Variants in MACROD2 observed in about 807,000 individuals in gnomAD.
The protein encoded by MACROD2 is mono-ADP ribosylhydrolase 2, also known as ADP-ribose glycohydrolase MACROD2.
Under a neutral mutation model 70.4 loss-of-function variants are expected in MACROD2, and 36 were observed. The ratio of observed to expected loss-of-function variants is 0.51; its 90% CI spans 0.39 to 0.68. The LOEUF (loss-of-function observed/expected upper bound fraction) is 0.68, where lower values mean the gene tolerates loss of function less well. MACROD2 is among the 30% of genes least tolerant of loss of function. The pLI, the probability that MACROD2 is intolerant of heterozygous loss-of-function variation, is 0.00. For missense variants in MACROD2, 496 were observed against 538.4 expected (o/e 0.92, Z 0.78); for synonymous variants, 172 against 178.8 (o/e 0.96, Z 0.30).
intron 8 of MACROD2, among the ~76,000 whole-genome samples, chr20:15,672,797 C>T (rs1198665134): frequency 2.0e-5 from 3 of 152,044 alleles, no homozygotes; most frequent in African/African-American, 7.2e-5. Context: ...AGCTGTGTCC[C>T]CACCCAAATC....
chr20:15,980,089 C>T lies in MACROD2; in HGVS notation c.986-6638C>T, dbSNP rs144952047. Among the ~76,000 whole-genome samples, 34 of 152,278 alleles carry T rather than the reference C, an allele frequency of 2.2e-4. 1 individual carries two copies. The highest frequency in any genetic ancestry group is 6.0e-4 in the African/African-American group (25 of 41,534). On this transcript the variant is annotated intron_variant, in intron 13 of 17. Transcript: ENST00000684519. ...GGTACGTGGCAGGGGCTGCATGCACCGGTGGTCAGAGTGAAACAGAACAGG... is the reference window on the plus strand; with the variant it reads ...GGTACGTGGCAGGGGCTGCATGCACTGGTGGTCAGAGTGAAACAGAACAGG...
At chr20:15,428,536 T>C (rs1421235910) in intron 6 of MACROD2, among the ~76,000 whole-genome samples, 3 of 152,162 alleles carry the variant, frequency 2.0e-5, no homozygotes, top group Non-Finnish European at 2.9e-5. Context: ...GGATGGGAAG[T>C]TGAGGTCACT....
intron 3 of MACROD2, among the ~76,000 whole-genome samples, chr20:14,167,205 A>G (rs2055280380): frequency 6.6e-6 from 1 of 152,056 alleles, no homozygotes; most frequent in African/African-American, 2.4e-5. Context: ...TAGCACTTAT[A>G]TAAGCCATTT....
intron 6 of MACROD2, among the ~76,000 whole-genome samples, chr20:15,244,086 A>G (rs542937086): frequency 2.0e-5 from 3 of 152,328 alleles, no homozygotes; most frequent in Admixed American, 2.0e-4. Flanking sequence ...TTTTACTATT[A>G]CCTATGCCCT....
intron 4 of MACROD2, among the ~76,000 whole-genome samples, chr20:14,662,341 A>C (rs1483987146): frequency 6.6e-6 from 1 of 152,014 alleles, no homozygotes; most frequent in Non-Finnish European, 1.5e-5. Flanking sequence ...ATTAACTCAA[A>C]ATGGATTAGA....
intron 5 of MACROD2, among the ~76,000 whole-genome samples, chr20:15,133,679 T>C (rs2076123452): frequency 6.6e-6 from 1 of 152,164 alleles, no homozygotes; most frequent in African/African-American, 2.4e-5. Context: ...CAGCAAATAC[T>C]TGGAGAAGTT....
intron 5 of MACROD2, among the ~76,000 whole-genome samples, chr20:14,734,612 C>CA (rs2071639820): frequency 6.7e-6 from 1 of 150,318 alleles, no homozygotes; most frequent in African/African-American, 2.4e-5. Context: ...TGTCTTCATC[C>CA]AAAAAACAAC....
At chr20:14,115,531 C>T (rs1332322693) in intron 3 of MACROD2, among the ~76,000 whole-genome samples, 1 of 152,130 alleles carries the variant, frequency 6.6e-6, no homozygotes, top group East Asian at 1.9e-4. Flanking sequence ...GTTAGGCTTT[C>T]TTGTTTTTCC....
intron 5 of MACROD2, among the ~76,000 whole-genome samples, chr20:14,820,641 T>C (rs886996283): frequency 6.6e-6 from 1 of 152,116 alleles, no homozygotes; most frequent in African/African-American, 2.4e-5. Flanking sequence ...TTTATTTTAA[T>C]CTTGTATTGT....
At chr20:15,406,726 A>G (rs2046007172) in intron 6 of MACROD2, among the ~76,000 whole-genome samples, 1 of 152,178 alleles carries the variant, frequency 6.6e-6, no homozygotes. Context: ...GGAGGAGACA[A>G]ACAAATTGTC....
chr20:15,132,562 C>T (rs2076114464), intron 5 of MACROD2, among the ~76,000 whole-genome samples: 1 of 151,512 alleles, frequency 6.6e-6, no homozygotes, highest in African/African-American at 2.4e-5. Flanking sequence ...ATAATATGAA[C>T]TACCTCACTG....
At position 15,825,982 on chromosome 20, in the gene MACROD2, C is replaced by T. The variant is rs1482885855; in HGVS notation, c.646-36763C>T. Among the ~76,000 whole-genome samples, 8 of 152,324 alleles carry T rather than the reference C, an allele frequency of 5.3e-5. No homozygotes were observed. In the East Asian group the frequency reaches 1.5e-3, roughly 29 times the overall value. ...TTCACACCCTCTGCAGGAATTCCCCCTCATCCAGGGCCATCCTGAAGATTA... is the reference window on the plus strand; with the variant it reads ...TTCACACCCTCTGCAGGAATTCCCCTTCATCCAGGGCCATCCTGAAGATTA... On this transcript the variant is annotated intron_variant, in intron 8 of 17. Coordinates refer to ENST00000684519, the MANE Select transcript of MACROD2 (RefSeq NM_001351661.2).
At chr20:15,941,230 T>C (rs920670017) in intron 12 of MACROD2, among the ~76,000 whole-genome samples, 1 of 152,234 alleles carries the variant, frequency 6.6e-6, no homozygotes, top group Non-Finnish European at 1.5e-5. Flanking sequence ...TGAAGTTTTA[T>C]GAGTATTACT....
intron 5 of MACROD2, among the ~76,000 whole-genome samples, chr20:14,719,587 C>T (rs1379298093): frequency 1.3e-5 from 2 of 152,024 alleles, no homozygotes; most frequent in African/African-American, 4.8e-5. Context: ...TGCTCATACT[C>T]ATTCTTTAAA....
At chr20:14,100,970 G>A (rs535538410) in intron 3 of MACROD2, among the ~76,000 whole-genome samples, 1 of 150,036 alleles carries the variant, frequency 6.7e-6, no homozygotes, top group East Asian at 1.9e-4. Flanking sequence ...ATCTCGGACT[G>A]TGGCTGGTTG....
At chr20:15,234,219 A>G (rs2076992765) in intron 6 of MACROD2, among the ~76,000 whole-genome samples, 1 of 146,056 alleles carries the variant, frequency 6.8e-6, no homozygotes, top group East Asian at 2.0e-4. Context: ...TTTTTAGTAG[A>G]GACGGGGTTT....
At chr20:14,868,704 G>T (rs1311011860) in intron 5 of MACROD2, among the ~76,000 whole-genome samples, 2 of 151,998 alleles carry the variant, frequency 1.3e-5, no homozygotes, top group Non-Finnish European at 2.9e-5. Flanking sequence ...AAATTGCTGT[G>T]TTTTCCTTTC....
intron 7 of MACROD2, among the ~76,000 whole-genome samples, chr20:15,468,609 C>G (rs1200994251): frequency 6.6e-6 from 1 of 152,200 alleles, no homozygotes; most frequent in Non-Finnish European, 1.5e-5. Flanking sequence ...GACATGGAAG[C>G]ACCATCTTTG....
intron 15 of MACROD2, among the ~76,000 whole-genome samples, chr20:16,034,098 C>A (rs1006426881): frequency 6.6e-6 from 1 of 151,996 alleles, no homozygotes; most frequent in Non-Finnish European, 1.5e-5. Context: ...GAATATGAAA[C>A]CTGGACATTA....
Sources: allele counts gnomAD v4.1 joint callset (sites outside exome capture counted in the v4.1 genomes callset), GRCh38; gene constraint gnomAD v4.1.1; transcripts MANE v1.5; gene names NCBI Gene and HGNC (gene_info 2026-07-23, HGNC 2026-07-21).